The following ETV2 variants were observed in gnomAD, a reference collection of about 807,000 sequenced individuals.
ETV2 encodes the protein ETS translocation variant 2.
ETV2 carries 34 observed loss-of-function variants against 35.7 expected under a neutral mutation model. The ratio of observed to expected loss-of-function variants is 0.95; its 90% CI spans 0.72 to 1.27. The LOEUF is 1.27. Among genes scored for constraint, ETV2 ranks in the 50% most tolerant of loss-of-function variants. The pLI is 0.00. For missense variants in ETV2, 512 were observed against 470.5 expected (o/e 1.09, Z -0.82); for synonymous variants, 207 against 203.9 (o/e 1.02, Z -0.13).
In ETV2 at chr19:35,642,701, G is replaced by A; in HGVS notation, c.154+3G>A. 1 of 1,585,930 alleles carries A rather than the reference G, an allele frequency of 6.3e-7. No homozygotes were observed. The highest frequency in any genetic ancestry group is 8.6e-7 in the Non-Finnish European group (1 of 1,164,688). ...GACAGCAGAGACATGCTGGAAAGGT[G>A]GCTGCGGGCTGGGACCCCTAAGTGC... On this transcript the variant is annotated splice_donor_region_variant and intron_variant, in intron 3 of 6. Coordinates refer to ENST00000402764, the MANE Select transcript of ETV2 (RefSeq NM_014209.4). The surrounding 1 kb of genome is among the most constrained non-coding windows in gnomAD (Gnocchi z 4.4).
Position 35,642,681 on chromosome 19 carries a change from C to T in ETV2, c.137C>T (p.Ala46Val), listed in dbSNP as rs1247936424. The T allele has an allele frequency of 6.2e-7, 1 of 1,600,366 alleles. No individual in the cohort carries two copies. Among genetic ancestry groups the T allele is most frequent in the African/African-American group, 1.3e-5 (1 of 74,634 alleles). ...ALQGDTPTATAETCWKGTSSS... is the reference protein window; with the variant it reads ...ALQGDTPTATVETCWKGTSSS... ...CAAGGGGACACGCCGACAGCGACAG[C>T]AGAGACATGCTGGAAAGGTGGCTGC... is the stretch of plus-strand genomic sequence containing the variant. The change falls in exon 3 of 7, where the codon GCA becomes GTA. Residue 46 changes from alanine (A) to valine (V), a missense_variant. Transcript: ENST00000402764. This position sits in a 1 kb window ranked among gnomAD's most constrained non-coding sequence, Gnocchi z 4.4.
rs1311965157 is a variant in ETV2 at position 35,644,616 on chromosome 19, C to T, written c.829-36C>T. ...CCTCCCCACTATCGCCAAGCCCCGC[C>T]CCTTCCCACTCCGACCGAGCGGGCC... On this transcript the variant is annotated intron_variant, in intron 6 of 6. Coordinates refer to ENST00000402764, the MANE Select transcript of ETV2 (RefSeq NM_014209.4). This position sits in a 1 kb window ranked among gnomAD's most constrained non-coding sequence, Gnocchi z 4.7. 3 of 1,581,866 alleles carry T rather than the reference C, an allele frequency of 1.9e-6. No individual in the cohort carries two copies. The highest frequency in any genetic ancestry group is 2.6e-6 in the Non-Finnish European group (3 of 1,162,814).
In ETV2 at chr19:35,643,502, A is replaced by C. The variant is rs1240543911; in HGVS notation, c.464A>C (p.Asp155Ala). 1.3e-6 allele frequency: 2 copies of C among 1,549,548 alleles called. No individual in the cohort carries two copies. Among genetic ancestry groups the C allele is most frequent in the Non-Finnish European group, 1.7e-6 (2 of 1,146,540 alleles). Residue 155 changes from aspartate to alanine, a missense_variant, in exon 5 of 7, where the codon GAC (aspartate) becomes GCC (alanine). By Grantham distance (126) the Asp-to-Ala change is moderately radical. Transcript: ENST00000402764. The surrounding 1 kb of genome is among the most constrained non-coding windows in gnomAD (Gnocchi z 5.0). ...GCCGCCGGGAGCAACACCAGCTGGG[A>C]CTGTTCTGTGGGGCCCGACGGCGAT... ...AQAAGSNTSW[D>A]CSVGPDGDTY... is the part of the protein sequence containing the mutation.
At position 35,642,585 on chromosome 19, in the gene ETV2, C is replaced by T. The variant is rs777737096; in HGVS notation, c.71-30C>T. On this transcript the variant is annotated intron_variant, in intron 2 of 6. Transcript: ENST00000402764. This position sits in a 1 kb window ranked among gnomAD's most constrained non-coding sequence, Gnocchi z 4.4. ...TGGGGAGGGTGTCCAGGTGGGGCCT[C>T]TGCTGACCCTAACCCCTTATCGCCT... 1.7e-5 allele frequency: 28 copies of T among 1,612,692 alleles called. No individual in the cohort carries two copies. In the South Asian group the frequency reaches 2.9e-4, roughly 16 times the overall value.
rs1967722415 is a variant in ETV2 at position 35,644,764 on chromosome 19, G to GA, written c.944dup (p.Tyr316ValfsTer?). 1 of 1,610,846 alleles carries GA rather than the reference G, an allele frequency of 6.2e-7. No homozygotes were observed. Among genetic ancestry groups the GA allele is most frequent in the South Asian group, 1.1e-5 (1 of 90,774 alleles). ...GACATCGTGCGCAAGAGCGGGGGGC[G>GA]AAAGTACACGTACCGCTTCGGGGGC... On this transcript the variant is annotated frameshift_variant, in exon 7 of 7. Transcript: ENST00000402764. LOFTEE classifies it low-confidence loss of function (END_TRUNC). This position sits in a 1 kb window ranked among gnomAD's most constrained non-coding sequence, Gnocchi z 4.7.
rs1403689496 is a variant in ETV2, at chr19:35,643,564, A to G, written c.526A>G (p.Thr176Ala). The G allele has an allele frequency of 6.4e-7, 1 of 1,568,288 alleles. No individual in the cohort carries two copies. The highest frequency in any genetic ancestry group is 8.6e-7 in the Non-Finnish European group (1 of 1,157,006). The change falls in exon 5 of 7, where the codon ACG (threonine) becomes GCG (alanine). Residue 176 changes from threonine (T) to alanine (A), a missense_variant. Coordinates refer to ENST00000402764, the MANE Select transcript of ETV2 (RefSeq NM_014209.4). The surrounding 1 kb of genome is among the most constrained non-coding windows in gnomAD (Gnocchi z 5.0). The stretch of plus-strand genomic sequence containing the variant: ...CAGTGGCCTGGGCGGGGAGCCGCGC[A>G]CGGACTGTACCATTTCGTGGGGCGG... ...WGSGLGGEPR[T>A]DCTISWGGPA...
In ETV2 at chr19:35,643,693, G is replaced by A; in HGVS notation, c.655G>A (p.Glu219Lys). The change falls in exon 5 of 7, where the codon GAA becomes AAA. Residue 219 changes from glutamate to lysine, a missense_variant. Physicochemically the swap from Glu to Lys is moderately conservative, Grantham distance 56 (BLOSUM62 1). Transcript: ENST00000402764. This position sits in a 1 kb window ranked among gnomAD's most constrained non-coding sequence, Gnocchi z 5.0. ...GAGCTCAGCTCTCACCGTTTGCTCC[G>A]AACCGAGCCCGCAGTCGGACCGTGC... ...YQSSALTVCS[E>K]PSPQSDRASL... is the part of the protein sequence containing the mutation. 6.2e-7 allele frequency: 1 copy of A among 1,613,856 alleles called. No individual in the cohort carries two copies. The highest frequency in any genetic ancestry group is 1.6e-4 in the Middle Eastern group (1 of 6,062).
At position 35,642,522 on chromosome 19, in the gene ETV2, C is replaced by A; in HGVS notation, c.62C>A (p.Ala21Glu). The stretch of plus-strand genomic sequence containing the variant: ...GAAGTGCCTCCAGGGAACAAGCTGG[C>A]AGGGCTTGGTAGGCTGCCGAGGCTG... ...PQEVPPGNKL[A>E]GLEGAKLGFC... is the part of the protein sequence containing the mutation. The change falls in exon 2 of 7, where the codon GCA becomes GAA. Residue 21 changes from alanine to glutamate, a missense_variant. Transcript: ENST00000402764. The surrounding 1 kb of genome is among the most constrained non-coding windows in gnomAD (Gnocchi z 4.4). 6.2e-7 allele frequency: 1 copy of A among 1,613,342 alleles called. No homozygotes were observed. The highest frequency in any genetic ancestry group is 8.5e-7 in the Non-Finnish European group (1 of 1,179,540).
At position 35,642,417 on chromosome 19, in the gene ETV2, G is replaced by C. The variant is rs1445502576; in HGVS notation, c.-27-17G>C. 3 of 1,404,060 alleles carry C rather than the reference G, an allele frequency of 2.1e-6. No individual in the cohort carries two copies. Among genetic ancestry groups the C allele is most frequent in the Non-Finnish European group, 2.9e-6 (3 of 1,022,250 alleles). 87.0% of individuals were successfully genotyped at this position (1,404,060 alleles called of 1,614,324 possible). ...TCACCAGCTCACCCATTGCCATCTG[G>C]ACTTTTCCCGACCCAGAACATTCAG... On this transcript the variant is annotated splice_polypyrimidine_tract_variant and intron_variant, in intron 1 of 6. Transcript: ENST00000402764. The surrounding 1 kb of genome is among the most constrained non-coding windows in gnomAD (Gnocchi z 4.4).
rs1599613586 is a variant in ETV2, at chr19:35,642,833, T to G, written c.155-132T>G. 8 of 982,506 alleles carry G rather than the reference T, an allele frequency of 8.1e-6. No individual in the cohort carries two copies. Among genetic ancestry groups the G allele is most frequent in the African/African-American group, 5.1e-5 (3 of 58,534 alleles). The allele number at this position is 982,506 out of a possible 1,614,324, so 60.9% of individuals were successfully genotyped here. A position where few individuals can be genotyped will look rare whatever the true frequency, so the allele number is the denominator to read the frequency against. ...GGGCCGCGTGCTTGACCCCTGAGGGTGAAGGAAAAGGGGGCGCGGGGTGCT... is the reference window on the plus strand; with the variant it reads ...GGGCCGCGTGCTTGACCCCTGAGGGGGAAGGAAAAGGGGGCGCGGGGTGCT... On this transcript the variant is annotated intron_variant, in intron 3 of 6. Transcript: ENST00000402764. This position sits in a 1 kb window ranked among gnomAD's most constrained non-coding sequence, Gnocchi z 4.4.
Position 35,643,030 on chromosome 19 carries a change from G to A in ETV2, c.220G>A (p.Val74Ile), listed in dbSNP as rs971757627. The change falls in exon 4 of 7, where the codon GTT (valine) becomes ATT (isoleucine). Residue 74 changes from valine to isoleucine, a missense_variant. By Grantham distance (29) the Val-to-Ile change is conservative. Coordinates refer to ENST00000402764, the MANE Select transcript of ETV2 (RefSeq NM_014209.4). This position sits in a 1 kb window ranked among gnomAD's most constrained non-coding sequence, Gnocchi z 5.0. ...DWGSALLHPE[V>I]PWGAEPDSQA... Reference sequence around the variant, plus strand: ...GGGCTCCGCGTTACTGCACCCAGAAGTTCCATGGGGGGCGGGTGAGTGTGG... The same window carrying A: ...GGGCTCCGCGTTACTGCACCCAGAAATTCCATGGGGGGCGGGTGAGTGTGG... 8 of 1,565,466 alleles carry A rather than the reference G, an allele frequency of 5.1e-6. No individual in the cohort carries two copies. The highest frequency in any genetic ancestry group is 1.9e-5 in the Admixed American group (1 of 52,300).
At position 35,644,714 on chromosome 19, in the gene ETV2, G is replaced by C. The variant is rs371497382; in HGVS notation, c.891G>C (p.Arg297=). 15 of 1,605,362 alleles carry C rather than the reference G, an allele frequency of 9.3e-6. No homozygotes were observed. The highest frequency in any genetic ancestry group is 1.1e-5 in the Non-Finnish European group (13 of 1,175,364). The change falls in exon 7 of 7, where the codon CGG becomes CGC. Residue 297 remains arginine, a synonymous_variant. Transcript: ENST00000402764. This position sits in a 1 kb window ranked among gnomAD's most constrained non-coding sequence, Gnocchi z 4.7. ...KPGMNYEKLS[R]GLRYYYRRDI... ...GCATGAATTACGAGAAGCTGAGCCG[G>C]GGCCTTCGCTACTACTATCGCCGCG...
rs761257741 is a variant in ETV2 at position 35,643,319 on chromosome 19, T to G, written c.281T>G (p.Met94Arg). 3.7e-6 allele frequency: 6 copies of G among 1,602,138 alleles called. No individual in the cohort carries two copies. The highest frequency in any genetic ancestry group is 1.7e-5 in the Admixed American group (1 of 58,784). ...CCGTGGTCCGGGGACTGGACAGACA[T>G]GGCGTGCACAGCCTGGGACTCTTGG... ...ALPWSGDWTDMACTAWDSWSG... is the reference protein window; with the variant it reads ...ALPWSGDWTDRACTAWDSWSG... The change falls in exon 5 of 7, where the codon ATG becomes AGG. Residue 94 changes from methionine to arginine, a missense_variant. Physicochemically the swap from Met to Arg is moderately conservative, Grantham distance 91. Coordinates refer to ENST00000402764, the MANE Select transcript of ETV2 (RefSeq NM_014209.4). The surrounding 1 kb of genome is among the most constrained non-coding windows in gnomAD (Gnocchi z 5.0).
In ETV2 at chr19:35,642,990, C is replaced by G; in HGVS notation, c.180C>G (p.Phe60Leu). 6.3e-7 allele frequency: 1 copy of G among 1,576,174 alleles called. No homozygotes were observed. The highest frequency in any genetic ancestry group is 1.2e-5 in the South Asian group (1 of 86,134). Residue 60 changes from phenylalanine (F) to leucine (L), a missense_variant, in exon 4 of 7, where the codon TTC (phenylalanine) becomes TTG (leucine). Coordinates refer to ENST00000402764, the MANE Select transcript of ETV2 (RefSeq NM_014209.4). The surrounding 1 kb of genome is among the most constrained non-coding windows in gnomAD (Gnocchi z 4.4). ...WKGTSSSLAS[F>L]PQLDWGSALL... ...GTACAAGCTCATCCCTGGCAAGCTT[C>G]CCACAGCTGGACTGGGGCTCCGCGT...
Position 35,644,237 on chromosome 19 carries a change from C to A in ETV2, c.718C>A (p.Pro240Thr). Residue 240 changes from proline to threonine, a missense_variant and splice_region_variant, in exon 6 of 7, where the codon CCC becomes ACC. Transcript: ENST00000402764. This position sits in a 1 kb window ranked among gnomAD's most constrained non-coding sequence, Gnocchi z 4.7. ...GTGCCCCTCCCTTCATCCCGCAGGT[C>A]CCATTCAGCTGTGGCAGTTCCTCCT... ...ARCPKTNHRG[P>T]IQLWQFLLEL... The A allele has an allele frequency of 4.5e-6, 7 of 1,554,246 alleles. No homozygotes were observed. Among genetic ancestry groups the A allele is most frequent in the South Asian group, 1.2e-5 (1 of 84,424 alleles).
Position 35,644,748 on chromosome 19 carries a change from C to T in ETV2, c.925C>T (p.Arg309Cys). ...CTACTACTATCGCCGCGACATCGTGCGCAAGAGCGGGGGGCGAAAGTACAC... is the reference window on the plus strand; with the variant it reads ...CTACTACTATCGCCGCGACATCGTGTGCAAGAGCGGGGGGCGAAAGTACAC... ...LRYYYRRDIV[R>C]KSGGRKYTYR... is the part of the protein sequence containing the mutation. Residue 309 changes from arginine (R) to cysteine (C), a missense_variant, in exon 7 of 7, where the codon CGC becomes TGC. Coordinates refer to ENST00000402764, the MANE Select transcript of ETV2 (RefSeq NM_014209.4). This position sits in a 1 kb window ranked among gnomAD's most constrained non-coding sequence, Gnocchi z 4.7. 1 of 1,609,680 alleles carries T rather than the reference C, an allele frequency of 6.2e-7. No individual in the cohort carries two copies. Among genetic ancestry groups the T allele is most frequent in the Non-Finnish European group, 8.5e-7 (1 of 1,177,458 alleles).
Position 35,642,773 on chromosome 19 carries a change from G to A in ETV2, c.154+75G>A. 2.4e-6 allele frequency: 3 copies of A among 1,268,780 alleles called. No homozygotes were observed. Among genetic ancestry groups the A allele is most frequent in the South Asian group, 2.6e-5 (2 of 76,302 alleles). 78.6% of individuals were successfully genotyped at this position (1,268,780 alleles called of 1,614,324 possible). The stretch of plus-strand genomic sequence containing the variant: ...GGGATCCTAGGGCAAAGGGAGGAGG[G>A]GGGCGTGCCTAGGTTCCTGGGACTG... On this transcript the variant is annotated intron_variant, in intron 3 of 6. Coordinates refer to ENST00000402764, the MANE Select transcript of ETV2 (RefSeq NM_014209.4). The surrounding 1 kb of genome is among the most constrained non-coding windows in gnomAD (Gnocchi z 4.4).
In ETV2 at chr19:35,642,206, A is replaced by T; in HGVS notation, c.-28+50A>T. 2.5e-6 allele frequency: 1 copy of T among 397,282 alleles called. No individual in the cohort carries two copies. Among genetic ancestry groups the T allele is most frequent in the East Asian group, 4.7e-5 (1 of 21,204 alleles). The allele number at this position is 397,282 out of a possible 1,614,324, so 24.6% of individuals were successfully genotyped here. A position where few individuals can be genotyped will look rare whatever the true frequency, so the allele number is the denominator to read the frequency against. On this transcript the variant is annotated intron_variant, in intron 1 of 6. Transcript: ENST00000402764. The surrounding 1 kb of genome is among the most constrained non-coding windows in gnomAD (Gnocchi z 4.4). The stretch of plus-strand genomic sequence containing the variant: ...TGCCTGGGTGTCTGGGTTAGGAAGG[A>T]CCTGGGGGACTAGACTCCCAAGAAG...
Position 35,643,891 on chromosome 19 carries a change from G to A in ETV2, c.715+138G>A, listed in dbSNP as rs116360034. 3,393 of 1,274,738 alleles carry A rather than the reference G, an allele frequency of 2.7e-3. 81 individuals carry two copies. In the African/African-American group the frequency reaches 0.046, roughly 17 times the overall value. The allele number at this position is 1,274,738 out of a possible 1,614,324, so 79.0% of individuals were successfully genotyped here. ...GGACCAGGGGCTCGAAGGAGGGGCC[G>A]GTGGCCCGCACTCCAGGTCCTTGGG... On this transcript the variant is annotated intron_variant, in intron 5 of 6. Coordinates refer to ENST00000402764, the MANE Select transcript of ETV2 (RefSeq NM_014209.4). This position sits in a 1 kb window ranked among gnomAD's most constrained non-coding sequence, Gnocchi z 5.0.
Sources: allele counts gnomAD v4.1 joint callset, GRCh38; gene constraint gnomAD v4.1.1; non-coding constraint Gnocchi (gnomAD v3.1); transcripts MANE v1.5; gene names NCBI Gene and HGNC (gene_info 2026-07-23, HGNC 2026-07-21).